The following CASR variants were observed in gnomAD, a reference collection of about 807,000 sequenced individuals.
CASR encodes the protein extracellular calcium-sensing receptor.
A neutral mutation model predicts 69.1 loss-of-function variants in CASR; 23 were observed. The observed-to-expected ratio is 0.33, with a 90% CI of 0.24 to 0.47. The LOEUF (loss-of-function observed/expected upper bound fraction) is 0.47, where lower values mean the gene tolerates loss of function less well. Among genes scored for constraint, CASR ranks in the 20% least tolerant of loss-of-function variants. The probability of loss-of-function intolerance (pLI) is 1.00; values close to 1 mark genes in which losing one functional copy is unlikely to be tolerated. For missense variants in CASR, 924 were observed against 1,356.1 expected (o/e 0.68, Z 5.00); for synonymous variants, 541 against 544.7 (o/e 0.99, Z 0.10).
intron 1 of CASR, among the ~76,000 whole-genome samples, chr3:122,230,459 G>A (rs1213130438): frequency 6.6e-6 from 1 of 152,240 alleles, no homozygotes; most frequent in Non-Finnish European, 1.5e-5. Flanking sequence ...GAGCAGCGGG[G>A]GCGGGGATGC....
intron 1 of CASR, among the ~76,000 whole-genome samples, chr3:122,240,163 C>A (rs113452193): frequency 6.6e-6 from 1 of 152,166 alleles, no homozygotes; most frequent in Admixed American, 6.5e-5. Context: ...ATATAACATA[C>A]AACAGAGTTC....
chr3:122,209,609 C>T (rs1354064572), intron 1 of CASR, among the ~76,000 whole-genome samples: 2 of 152,118 alleles, frequency 1.3e-5, no homozygotes, highest in East Asian at 3.8e-4. Flanking sequence ...AGACCTGCCC[C>T]CATGATTCAA....
At chr3:122,256,618 A>T (rs2074557329) in intron 2 of CASR, among the ~76,000 whole-genome samples, 1 of 151,880 alleles carries the variant, frequency 6.6e-6, no homozygotes, top group African/African-American at 2.4e-5. Context: ...TTTTATTTTT[A>T]TTTATTCATT....
intron 1 of CASR, among the ~76,000 whole-genome samples, chr3:122,205,111 G>T (rs1331527034): frequency 6.6e-6 from 1 of 151,610 alleles, no homozygotes; most frequent in Non-Finnish European, 1.5e-5. Context: ...TTTCCTTTTT[G>T]TTATTTGTGC....
rs2075006083 is a variant in CASR at position 122,290,767 on chromosome 3, TG to T, written c.*5577del. The T allele has an allele frequency of 6.6e-6, 1 of 152,006 alleles. No homozygotes were observed. Among genetic ancestry groups the T allele is most frequent in the Admixed American group, 6.5e-5 (1 of 15,278 alleles). 9.4% of individuals were successfully genotyped at this position (152,006 alleles called of 1,614,324 possible). A position where few individuals can be genotyped will look rare whatever the true frequency, so the allele number is the denominator to read the frequency against. On this transcript the variant is annotated 3_prime_UTR_variant, in exon 7 of 7. Coordinates refer to ENST00000639785, the MANE Select transcript of CASR (RefSeq NM_000388.4). ...ATTATACTTTAAGTTTTAGGGTACATGTGCACAACGTGCAGGTTTGTTACAT... is the reference window on the plus strand; with the variant it reads ...ATTATACTTTAAGTTTTAGGGTACATTGCACAACGTGCAGGTTTGTTACAT...
intron 3 of CASR, among the ~76,000 whole-genome samples, chr3:122,259,940 A>G (rs2074600998): frequency 6.6e-6 from 1 of 152,224 alleles, no homozygotes; most frequent in Admixed American, 6.5e-5. Context: ...AATACCTTTG[A>G]CTTGTTTTCT....
Position 122,284,197 on chromosome 3 carries a change from C to T in CASR, c.2243C>T (p.Pro748Leu), listed in dbSNP as rs193922433. The T allele has an allele frequency of 1.2e-6, 2 of 1,613,710 alleles. No individual in the cohort carries two copies. Among genetic ancestry groups the T allele is most frequent in the Non-Finnish European group, 1.7e-6 (2 of 1,179,746 alleles). The change falls in exon 7 of 7, where the codon CCG becomes CTG. Residue 748 changes from proline to leucine, a missense_variant. Transcript: ENST00000639785. ...ICVIWLYTAP[P>L]SSYRNQELED... ...GTGATCTGGCTCTACACCGCGCCCC[C>T]GTCAAGCTACCGCAACCAGGAGCTG... is the stretch of plus-strand genomic sequence containing the variant.
chr3:122,270,884 A>G (rs2074750089), intron 4 of CASR, among the ~76,000 whole-genome samples: 1 of 152,134 alleles, frequency 6.6e-6, no homozygotes, highest in Admixed American at 6.5e-5. Flanking sequence ...AATATTTTTA[A>G]ATTTATTGAA....
chr3:122,197,911 C>A (rs2073905663), intron 1 of CASR, among the ~76,000 whole-genome samples: 2 of 152,178 alleles, frequency 1.3e-5, no homozygotes, highest in African/African-American at 4.8e-5. Flanking sequence ...TTGACTGTTT[C>A]AACTGCTAGT....
intron 1 of CASR, among the ~76,000 whole-genome samples, chr3:122,193,202 TTG>T (rs1559933081): frequency 2.2e-5 from 3 of 137,900 alleles, no homozygotes; most frequent in Admixed American, 7.1e-5. Flanking sequence ...TTTTTTTTGT[TTG>T]TGTTTGTTTG....
chr3:122,276,084 G>A lies in CASR; in HGVS notation c.1608+42G>A, dbSNP rs754387056. The A allele has an allele frequency of 4.6e-6, 6 of 1,300,862 alleles. No individual in the cohort carries two copies. The South Asian group carries it at 5.9e-5, about 13-fold the overall frequency. The allele number at this position is 1,300,862 out of a possible 1,614,324, so 80.6% of individuals were successfully genotyped here. A position where few individuals can be genotyped will look rare whatever the true frequency, so the allele number is the denominator to read the frequency against. ...AGAAAACCAGATGTCTCCACCAGGG[G>A]CAGGAAACTGTGCTGGGCTTTGGGA... On this transcript the variant is annotated intron_variant, in intron 5 of 6. Coordinates refer to ENST00000639785, the MANE Select transcript of CASR (RefSeq NM_000388.4).
At chr3:122,188,621 C>T (rs1458738219) in intron 1 of CASR, among the ~76,000 whole-genome samples, 2 of 152,180 alleles carry the variant, frequency 1.3e-5, no homozygotes, top group African/African-American at 2.4e-5. Context: ...CTCTTTTTCT[C>T]TCTCTCTATT....
At chr3:122,223,737 A>G (rs1015210625) in intron 1 of CASR, among the ~76,000 whole-genome samples, 2 of 152,154 alleles carry the variant, frequency 1.3e-5, no homozygotes, top group African/African-American at 4.8e-5. Context: ...AGACACAACC[A>G]AAAAAGAAAA....
chr3:122,220,931 G>A (rs1277006891), intron 1 of CASR, among the ~76,000 whole-genome samples: 5 of 152,064 alleles, frequency 3.3e-5, no homozygotes, highest in Non-Finnish European at 5.9e-5. Context: ...CCGAGATCGC[G>A]CCACTGCACT....
At chr3:122,204,463 C>G (rs1163675796) in intron 1 of CASR, among the ~76,000 whole-genome samples, 2 of 152,092 alleles carry the variant, frequency 1.3e-5, no homozygotes, top group East Asian at 3.8e-4. Flanking sequence ...CCCATATTTT[C>G]TTAATTTATT....
At chr3:122,258,884 T>TA (rs1297968967) in intron 3 of CASR, among the ~76,000 whole-genome samples, 2 of 152,074 alleles carry the variant, frequency 1.3e-5, no homozygotes, top group Non-Finnish European at 2.9e-5. Context: ...CGGGAGGTTT[T>TA]AACACTCTGG....
Position 122,252,405 on chromosome 3 carries a change from AGG to A in CASR, c.-242-1542_-242-1541del, listed in dbSNP as rs1491366777. ...AAGGAAGGAAGGAAGGAAGGAAGGA[AGG>A]AAAAAGAAAGAAAGAAAGAAAGAAA... On this transcript the variant is annotated intron_variant, in intron 1 of 6. Transcript: ENST00000639785. Among the ~76,000 whole-genome samples the A allele has an allele frequency of 5.2e-3, 53 of 10,136 alleles. 1 individual carries two copies. Among genetic ancestry groups the A allele is most frequent in the African/African-American group, 0.015 (43 of 2,902 alleles). The allele number at this position is 10,136 out of a possible 152,430, so 6.6% of individuals were successfully genotyped here.
intron 1 of CASR, among the ~76,000 whole-genome samples, chr3:122,241,559 G>A (rs965455792): frequency 3.3e-5 from 5 of 151,850 alleles, no homozygotes; most frequent in Non-Finnish European, 1.5e-5. Context: ...GTAAACACTG[G>A]GACCCAATGG....
chr3:122,263,536 CT>C (rs1239101179), intron 4 of CASR, among the ~76,000 whole-genome samples: 1 of 152,108 alleles, frequency 6.6e-6, no homozygotes, highest in African/African-American at 2.4e-5. Flanking sequence ...ACTAGAACAC[CT>C]TTGTATACAG....
Sources: gnomAD v4.1 joint callset for allele counts (sites outside exome capture counted in the v4.1 genomes callset) on GRCh38, gnomAD v4.1.1 for gene constraint, MANE v1.5 for transcripts, NCBI Gene and HGNC (gene_info 2026-07-23, HGNC 2026-07-21) for gene names.